The following HLCS variants were observed in gnomAD, a reference collection of about 807,000 sequenced individuals.
The protein encoded by HLCS is biotin--protein ligase.
In HLCS, 53 loss-of-function variants were observed where a neutral mutation model predicts 75.0. The ratio of observed to expected loss-of-function variants is 0.71; its 90% CI spans 0.57 to 0.89. The LOEUF (loss-of-function observed/expected upper bound fraction) is 0.89. HLCS is among the 40% of genes least tolerant of loss of function. HLCS has a pLI of 0.00. For missense variants in HLCS, 966 were observed against 1,074.0 expected (o/e 0.90, Z 1.41); for synonymous variants, 431 against 428.6 (o/e 1.01, Z -0.07).
At chr21:36,862,887 T>A (rs955120127) in intron 6 of HLCS, among the ~76,000 whole-genome samples, 2 of 152,034 alleles carry the variant, frequency 1.3e-5, no homozygotes, top group African/African-American at 4.8e-5. Context: ...CTCTGGATTA[T>A]TCTTTCCACC....
chr21:36,847,887 T>G (rs1229414549), intron 6 of HLCS, among the ~76,000 whole-genome samples: 1 of 152,228 alleles, frequency 6.6e-6, no homozygotes, highest in African/African-American at 2.4e-5. Flanking sequence ...CTTCTTTCAA[T>G]GCATGCAGAA....
At chr21:36,936,318 C>T in intron 4 of HLCS, 131 bp downstream of exon 4, 1 of 840,764 alleles carries the variant, frequency 1.2e-6, no homozygotes, top group Non-Finnish European at 2.0e-6. Flanking sequence ...AAGCTCCCAG[C>T]CAATAGTCAA....
intron 6 of HLCS, among the ~76,000 whole-genome samples, chr21:36,885,345 A>C (rs1459608119): frequency 6.6e-6 from 1 of 152,044 alleles, no homozygotes; most frequent in Admixed American, 6.6e-5. Context: ...CTGTCTCTAC[A>C]AAAAATTTAA....
intron 6 of HLCS, among the ~76,000 whole-genome samples, chr21:36,848,453 G>A (rs1379181421): frequency 1.3e-5 from 2 of 151,940 alleles, no homozygotes; most frequent in Non-Finnish European, 2.9e-5. Flanking sequence ...TATTTTAGTA[G>A]AGAGGGGATT....
chr21:36,893,835 T>C (rs2064896547), intron 6 of HLCS, among the ~76,000 whole-genome samples: 1 of 152,146 alleles, frequency 6.6e-6, no homozygotes, highest in Non-Finnish European at 1.5e-5. Flanking sequence ...CACTAAAAAA[T>C]AATGTATGAG....
chr21:36,945,648 A>C (rs1164285207), intron 2 of HLCS, among the ~76,000 whole-genome samples: 2 of 152,190 alleles, frequency 1.3e-5, no homozygotes. Flanking sequence ...GGTTGCCAGG[A>C]GCTGAGGTGT....
intron 10 of HLCS, among the ~76,000 whole-genome samples, chr21:36,755,510 A>G (rs966689547): frequency 1.2e-4 from 18 of 152,252 alleles, no homozygotes; most frequent in Admixed American, 6.5e-5. Context: ...AAATTATAAT[A>G]GCATTAACTA....
intron 6 of HLCS, among the ~76,000 whole-genome samples, chr21:36,817,004 C>T (rs754033996): frequency 5.3e-5 from 8 of 152,202 alleles, no homozygotes; most frequent in Non-Finnish European, 7.3e-5. Context: ...AAGCTGGCTT[C>T]CCTCTGCCAC....
intron 5 of HLCS, among the ~76,000 whole-genome samples, chr21:36,897,803 C>T (rs1212366291): frequency 6.6e-6 from 1 of 152,206 alleles, no homozygotes; most frequent in Non-Finnish European, 1.5e-5. Flanking sequence ...GAGCTCTCTA[C>T]TCTATCCCCA....
intron 6 of HLCS, among the ~76,000 whole-genome samples, chr21:36,885,741 G>C (rs189611353): frequency 5.3e-4 from 81 of 152,246 alleles, no homozygotes; most frequent in African/African-American, 1.7e-3. Flanking sequence ...CCCTGAAGGA[G>C]GGCCCCACAT....
rs536067980 is a variant in HLCS at position 36,767,268 on chromosome 21, G to A, written c.1910C>T (p.Pro637Leu). ...RLLDGLMFQT[P>L]QEMGLIVIAA... is the part of the protein sequence containing the mutation. Reference sequence around the variant, plus strand: ...GATCACTATTAAGCCCATTTCCTGCGGTGTCTGAAACATCAGCCTGCCGAA... The same window carrying A: ...GATCACTATTAAGCCCATTTCCTGCAGTGTCTGAAACATCAGCCTGCCGAA... Residue 637 changes from proline (P) to leucine (L), a missense_variant, in exon 7 of 11, where the codon CCG becomes CTG. Transcript: ENST00000674895. 2.1e-5 allele frequency: 34 copies of A among 1,614,106 alleles called. No homozygotes were observed. The African/African-American group carries it at 2.5e-4, about 12-fold the overall frequency.
At chr21:36,895,340 G>A (rs569152441) in intron 6 of HLCS, among the ~76,000 whole-genome samples, 1 of 152,246 alleles carries the variant, frequency 6.6e-6, no homozygotes, top group African/African-American at 2.4e-5. Context: ...TACAGAGTTT[G>A]CAACAAGCAA....
intron 5 of HLCS, among the ~76,000 whole-genome samples, chr21:36,914,020 G>C (rs541925578): frequency 6.6e-6 from 1 of 152,324 alleles, no homozygotes; most frequent in South Asian, 2.1e-4. Flanking sequence ...GAACCAGCAA[G>C]GGACTGAAGG....
rs376942757 is a variant in HLCS, at chr21:36,754,432, C to G, written c.2451-15G>C. 2.5e-6 allele frequency: 4 copies of G among 1,608,806 alleles called. No individual in the cohort carries two copies. Among genetic ancestry groups the G allele is most frequent in the Non-Finnish European group, 3.4e-6 (4 of 1,179,534 alleles). ...CTTGCTGACCACTGAAAAGGAAGAACAGCGTGCGGTCACTGGGAGGTGTCA... is the reference window on the plus strand; with the variant it reads ...CTTGCTGACCACTGAAAAGGAAGAAGAGCGTGCGGTCACTGGGAGGTGTCA... On this transcript the variant is annotated splice_polypyrimidine_tract_variant and intron_variant, in intron 10 of 10. Coordinates refer to ENST00000674895, the MANE Select transcript of HLCS (RefSeq NM_001352514.2).
intron 6 of HLCS, among the ~76,000 whole-genome samples, chr21:36,816,699 T>G (rs1569050975): frequency 6.6e-6 from 1 of 152,066 alleles, no homozygotes; most frequent in Non-Finnish European, 1.5e-5. Flanking sequence ...CAATGAAATG[T>G]GTTGTAGATA....
intron 6 of HLCS, among the ~76,000 whole-genome samples, chr21:36,891,211 A>G (rs1303484788): frequency 6.6e-6 from 1 of 152,006 alleles, no homozygotes; most frequent in East Asian, 1.9e-4. Context: ...GTAAGAACAT[A>G]AACACTGGGA....
intron 6 of HLCS, among the ~76,000 whole-genome samples, chr21:36,809,969 G>C (rs1044679469): frequency 6.6e-6 from 1 of 152,186 alleles, no homozygotes; most frequent in Non-Finnish European, 1.5e-5. Context: ...AGACTCTGAG[G>C]TGGGCTCAAG....
At chr21:36,764,540 C>G (rs2089966379) in intron 8 of HLCS, among the ~76,000 whole-genome samples, 1 of 151,778 alleles carries the variant, frequency 6.6e-6, no homozygotes, top group African/African-American at 2.4e-5. Context: ...CCCATCTCTA[C>G]TAAAAATACA....
rs563361081 is a variant in HLCS at position 36,755,703 on chromosome 21, G to A, written c.2450+839C>T. 5.9e-5 allele frequency among the ~76,000 whole-genome samples: 9 copies of A among 152,298 alleles called. No homozygotes were observed. In the South Asian group the frequency reaches 1.9e-3, roughly 32 times the overall value. The stretch of plus-strand genomic sequence containing the variant: ...CCACCTTCTTTTGGTCTAATTGTTT[G>A]TGCGCAGACCTGACATTTTTGCAGG... On this transcript the variant is annotated intron_variant, in intron 10 of 10. Transcript: ENST00000674895.
Sources: allele counts gnomAD v4.1 joint callset (sites outside exome capture counted in the v4.1 genomes callset), GRCh38; gene constraint gnomAD v4.1.1; transcripts MANE v1.5; gene names NCBI Gene and HGNC (gene_info 2026-07-23, HGNC 2026-07-21).